Variants in ADGRL2 observed in about 807,000 individuals in gnomAD.
ADGRL2 encodes calcium-independent alpha-latrotoxin receptor 2.
ADGRL2 carries 44 observed loss-of-function variants against 157.4 expected under a neutral mutation model. The observed-to-expected ratio is 0.28, with a 90% CI of 0.22 to 0.36. The LOEUF (loss-of-function observed/expected upper bound fraction) is 0.36, where lower values mean the gene tolerates loss of function less well. ADGRL2 is among the 10% of genes least tolerant of loss of function. ADGRL2 has a pLI of 1.00. For missense variants in ADGRL2, 1,510 were observed against 1,768.9 expected, an observed-to-expected ratio of 0.85 and a Z score of 2.63; for synonymous variants, 585 against 624.7, an observed-to-expected ratio of 0.94 and a Z score of 0.95.
intron 1 of ADGRL2, among the ~76,000 whole-genome samples, chr1:81,379,952 A>G (rs900884669): frequency 6.6e-5 from 10 of 151,842 alleles, no homozygotes; most frequent in African/African-American, 2.2e-4. Context: ...GCCCTCCTCT[A>G]CTCAACACTT....
chr1:81,547,584 A>T lies in ADGRL2; in HGVS notation c.-247-33292A>T, dbSNP rs537314347. Among the ~76,000 whole-genome samples the T allele has an allele frequency of 2.0e-5, 3 of 152,374 alleles. No individual in the cohort carries two copies. The South Asian group carries it at 6.2e-4, about 32-fold the overall frequency. On this transcript the variant is annotated intron_variant, in intron 2 of 24. Transcript: ENST00000370721. ...GTTATTTCATTTAAGACTCTCGAGTATTATTTGTCTGGCGGCTTCTCAATA... is the reference window on the plus strand; with the variant it reads ...GTTATTTCATTTAAGACTCTCGAGTTTTATTTGTCTGGCGGCTTCTCAATA...
intron 3 of ADGRL2, among the ~76,000 whole-genome samples, chr1:81,640,632 A>AAAAAAAATAAAT (rs1553133900): frequency 3.6e-5 from 5 of 139,584 alleles, no homozygotes; most frequent in African/African-American, 1.3e-4. Flanking sequence ...CTCCATCTCA[A>AAAAAAAATAAAT]AAATAAATAA....
At chr1:81,800,124 C>T (rs1571270015), upstream of ADGRL2, among the ~76,000 whole-genome samples, 1 of 152,138 alleles carries the variant, frequency 6.6e-6, no homozygotes, top group East Asian at 1.9e-4. Context: ...GACCTAACAG[C>T]TCTGTGACTA....
At chr1:81,580,247 A>G (rs1018309127) in intron 2 of ADGRL2, among the ~76,000 whole-genome samples, 1 of 152,050 alleles carries the variant, frequency 6.6e-6, no homozygotes, top group African/African-American at 2.4e-5. Flanking sequence ...ATCTGTGACC[A>G]AAGTGCTGTC....
chr1:81,631,808 T>C (rs988488547), intron 3 of ADGRL2, among the ~76,000 whole-genome samples: 1 of 152,128 alleles, frequency 6.6e-6, no homozygotes, highest in Non-Finnish European at 1.5e-5. Context: ...CACTTCCCCC[T>C]GCCTGGACCC....
chr1:81,888,965 T>C (rs1325221588), intron 2 of ADGRL2, among the ~76,000 whole-genome samples: 2 of 152,164 alleles, frequency 1.3e-5, no homozygotes, highest in Admixed American at 1.3e-4. Flanking sequence ...TTATTGTAAT[T>C]GGAGTGCCAT....
At chr1:81,809,597 C>G (rs1185046972) in intron 1 of ADGRL2, among the ~76,000 whole-genome samples, 1 of 151,868 alleles carries the variant, frequency 6.6e-6, no homozygotes, top group East Asian at 1.9e-4. Flanking sequence ...CTTCAGCCAT[C>G]ATACTAGCGA....
At position 81,936,940 on chromosome 1, in the gene ADGRL2, C is replaced by T. The variant is rs1572228149; in HGVS notation, c.397+103C>T. On this transcript the variant is annotated intron_variant, in intron 4 of 23. Transcript: ENST00000686636. ...AGCATATGTTTATGGCCTACAAAAC[C>T]ATTATGTATGCAGAGCACTAACAGA... 1.3e-5 allele frequency: 9 copies of T among 710,376 alleles called. No individual in the cohort carries two copies. The East Asian group carries it at 2.0e-4, about 16-fold the overall frequency. 44.0% of individuals were successfully genotyped at this position (710,376 alleles called of 1,614,324 possible). A position where few individuals can be genotyped will look rare whatever the true frequency, so the allele number is the denominator to read the frequency against.
At chr1:81,946,879 C>T (rs1202947990) in intron 6 of ADGRL2, among the ~76,000 whole-genome samples, 2 of 152,080 alleles carry the variant, frequency 1.3e-5, no homozygotes, top group Non-Finnish European at 2.9e-5. Flanking sequence ...ATTCTTGGAC[C>T]TCAGTGAGGA....
At chr1:81,506,830 T>C (rs1005616594) in intron 2 of ADGRL2, among the ~76,000 whole-genome samples, 24 of 152,228 alleles carry the variant, frequency 1.6e-4, no homozygotes, top group African/African-American at 5.8e-4. Flanking sequence ...TGAATCTTGC[T>C]TAGTCCAGTC....
intron 1 of ADGRL2, among the ~76,000 whole-genome samples, chr1:81,372,120 T>G (rs978557349): frequency 6.6e-6 from 1 of 152,154 alleles, no homozygotes; most frequent in Non-Finnish European, 1.5e-5. Context: ...TCATGTGAAA[T>G]AGGAGGTCAT....
intron 2 of ADGRL2, among the ~76,000 whole-genome samples, chr1:81,898,447 C>A (rs1239572174): frequency 6.6e-6 from 1 of 151,966 alleles, no homozygotes; most frequent in African/African-American, 2.4e-5. Context: ...AGGTTTGTAA[C>A]ATAATACAGA....
intron 1 of ADGRL2, among the ~76,000 whole-genome samples, chr1:81,338,089 G>A (rs545876464): frequency 2.6e-5 from 4 of 152,206 alleles, no homozygotes; most frequent in East Asian, 1.9e-4. Context: ...TTGGCCCAAC[G>A]CAGTGGCTCA....
chr1:81,829,965 A>C (rs919357345), intron 1 of ADGRL2, among the ~76,000 whole-genome samples: 1 of 152,144 alleles, frequency 6.6e-6, no homozygotes, highest in Non-Finnish European at 1.5e-5. Context: ...TGACTGATTG[A>C]TCTAGGTACA....
intron 1 of ADGRL2, among the ~76,000 whole-genome samples, chr1:81,356,952 C>CAAAAAAAAAAAAA (rs757239865): frequency 4.5e-4 from 25 of 55,666 alleles, no homozygotes; most frequent in African/African-American, 1.7e-3. Context: ...GACTCCGTCT[C>CAAAAAAAAAAAAA]AAAAAAAAAA....
intron 1 of ADGRL2, among the ~76,000 whole-genome samples, chr1:81,421,368 C>T (rs1363976251): frequency 1.3e-5 from 2 of 152,074 alleles, no homozygotes; most frequent in Non-Finnish European, 2.9e-5. Context: ...ATAATGGATG[C>T]CTAAGGTAGT....
intron 1 of ADGRL2, among the ~76,000 whole-genome samples, chr1:81,329,050 A>G (rs1199525766): frequency 2.0e-5 from 3 of 151,482 alleles, no homozygotes; most frequent in Non-Finnish European, 4.4e-5. Context: ...ACTTAATTCA[A>G]TTAGTGGATT....
intron 3 of ADGRL2, among the ~76,000 whole-genome samples, chr1:81,594,705 C>G (rs545967028): frequency 6.6e-6 from 1 of 152,206 alleles, no homozygotes; most frequent in African/African-American, 2.4e-5. Flanking sequence ...ATGTAAAAAT[C>G]CATTTAAAAA....
At chr1:81,553,960 G>T (rs2080211833) in intron 2 of ADGRL2, among the ~76,000 whole-genome samples, 1 of 152,098 alleles carries the variant, frequency 6.6e-6, no homozygotes, top group African/African-American at 2.4e-5. Context: ...TAAGCTTCAG[G>T]TTCCATTTAT....
Sources: allele counts gnomAD v4.1 joint callset (sites outside exome capture counted in the v4.1 genomes callset), GRCh38; gene constraint gnomAD v4.1.1; transcripts MANE v1.5; gene names NCBI Gene and HGNC (gene_info 2026-07-23, HGNC 2026-07-21).